PRMT8: variants seen among roughly 807,000 people sequenced by gnomAD.
The protein encoded by PRMT8 is protein arginine N-methyltransferase 8.
PRMT8 carries 7 observed loss-of-function variants against 47.1 expected under a neutral mutation model. The observed-to-expected ratio is 0.15, with a 90% CI of 0.08 to 0.28. The LOEUF is 0.28. Ranked by LOEUF, PRMT8 falls within the 10% of genes least tolerant of loss-of-function variation. PRMT8 has a pLI of 1.00. For missense variants in PRMT8, 237 were observed against 505.4 expected (o/e 0.47, Z 5.09); for synonymous variants, 188 against 186.5 (o/e 1.01, Z -0.07).
intron 1 of PRMT8, among the ~76,000 whole-genome samples, chr12:3,537,411 G>A (rs573441820): frequency 2.6e-5 from 4 of 152,224 alleles, no homozygotes; most frequent in South Asian, 2.1e-4. Flanking sequence ...AGCTCTCTAC[G>A]TATTAAGGGC....
rs931556949 is a variant in PRMT8 at position 3,448,909 on chromosome 12, C to T, written c.48+67467C>T. 3.9e-5 allele frequency among the ~76,000 whole-genome samples: 6 copies of T among 151,986 alleles called. No individual in the cohort carries two copies. The South Asian group carries it at 8.3e-4, about 21-fold the overall frequency. On this transcript the variant is annotated intron_variant, in intron 1 of 9. Coordinates refer to the PRMT8 transcript ENST00000452611. Reference sequence around the variant, plus strand: ...TCCTTCTCCTTGCACCCCCATAGGCCCCAGTGTGTGCTATTCCCCTCCCTG... The same window carrying T: ...TCCTTCTCCTTGCACCCCCATAGGCTCCAGTGTGTGCTATTCCCCTCCCTG...
chr12:3,382,830 A>G (rs1345676623), intron 1 of PRMT8, among the ~76,000 whole-genome samples: 4 of 152,192 alleles, frequency 2.6e-5, no homozygotes. Context: ...TGCCTTTTCT[A>G]AAAGTGTTAT....
In PRMT8 at chr12:3,569,434, G is replaced by C. The variant is rs1470563410; in HGVS notation, c.625-43G>C. ...GTTCAAAATGTGATGTCTTTGTCAG[G>C]TGAATAGATTACGAGACCCATTTCC... On this transcript the variant is annotated intron_variant, in intron 5 of 9. Coordinates refer to ENST00000382622, the MANE Select transcript of PRMT8 (RefSeq NM_019854.5). The surrounding 1 kb of genome is among the most constrained non-coding windows in gnomAD (Gnocchi z 8.2). The C allele has an allele frequency of 1.3e-6, 2 of 1,504,278 alleles. No homozygotes were observed. Among genetic ancestry groups the C allele is most frequent in the South Asian group, 2.3e-5 (2 of 88,796 alleles). The allele number at this position is 1,504,278 out of a possible 1,614,324, so 93.2% of individuals were successfully genotyped here.
At chr12:3,464,353 G>GA (rs985542032) in intron 1 of PRMT8, among the ~76,000 whole-genome samples, 4 of 149,648 alleles carry the variant, frequency 2.7e-5, no homozygotes, top group Non-Finnish European at 4.4e-5. Context: ...GTTTCCTTAA[G>GA]AAAAAAAACA....
At chr12:3,587,142 A>G (rs1233666124) in intron 8 of PRMT8, among the ~76,000 whole-genome samples, 5 of 150,596 alleles carry the variant, frequency 3.3e-5, no homozygotes, top group African/African-American at 1.2e-4. Context: ...TTATTGGACC[A>G]TTCATGGTTC....
chr12:3,408,745 G>A (rs934587555), intron 1 of PRMT8, among the ~76,000 whole-genome samples: 24 of 152,246 alleles, frequency 1.6e-4, no homozygotes, highest in Admixed American at 5.2e-4. Context: ...CACCTGCAGA[G>A]GGGTCTTCAG....
intron 1 of PRMT8, among the ~76,000 whole-genome samples, chr12:3,407,418 C>A (rs1379536906): frequency 1.3e-5 from 2 of 152,096 alleles, no homozygotes; most frequent in Non-Finnish European, 2.9e-5. Context: ...TTCTATCCTG[C>A]ATATCTCATC....
At chr12:3,506,221 A>G (rs558427632) in intron 1 of PRMT8, among the ~76,000 whole-genome samples, 2 of 152,310 alleles carry the variant, frequency 1.3e-5, no homozygotes, top group African/African-American at 4.8e-5. Context: ...ATTATCCCAT[A>G]GGGTTATCAT....
chr12:3,553,089 A>G (rs1277032462), intron 3 of PRMT8: 1 of 204,070 alleles, frequency 4.9e-6, no homozygotes, highest in Non-Finnish European at 1.0e-5. Context: ...GTCTGAATTA[A>G]AAGGAATAAT....
intron 1 of PRMT8, among the ~76,000 whole-genome samples, chr12:3,499,129 C>G (rs1477000678): frequency 6.6e-6 from 1 of 151,166 alleles, no homozygotes; most frequent in Non-Finnish European, 1.5e-5. Context: ...TTCATCTTAA[C>G]TTGATAACAT....
intron 1 of PRMT8, among the ~76,000 whole-genome samples, chr12:3,534,302 G>T (rs1299090992): frequency 6.6e-6 from 1 of 152,250 alleles, no homozygotes; most frequent in African/African-American, 2.4e-5. Flanking sequence ...AGCTTGGGCT[G>T]GTGCCAGCAG....
chr12:3,433,736 C>T (rs999310579), intron 1 of PRMT8, among the ~76,000 whole-genome samples: 41 of 152,144 alleles, frequency 2.7e-4, no homozygotes, highest in Admixed American at 1.3e-4. Context: ...CTCATTCTCC[C>T]GACTAGCTGG....
Position 3,476,627 on chromosome 12 carries a change from A to G in PRMT8, c.49-63979A>G, listed in dbSNP as rs12227552. Among the ~76,000 whole-genome samples, 455 of 152,256 alleles carry G rather than the reference A, an allele frequency of 3.0e-3. 13 individuals carry two copies. In the East Asian group the frequency reaches 0.066, roughly 22 times the overall value. ...CGCTCTGCAGAAAGGTCATGAGACA[A>G]GGTGGACTGGATGAGTCATTGCAAA... On this transcript the variant is annotated intron_variant, in intron 1 of 9. Transcript: ENST00000452611.
chr12:3,510,354 A>G (rs1443209450), intron 1 of PRMT8, among the ~76,000 whole-genome samples: 2 of 152,178 alleles, frequency 1.3e-5, no homozygotes, highest in Non-Finnish European at 2.9e-5. Flanking sequence ...GCACTGTAGG[A>G]TGACTGCAGT....
At chr12:3,467,462 G>A (rs1487528408) in intron 1 of PRMT8, among the ~76,000 whole-genome samples, 1 of 152,040 alleles carries the variant, frequency 6.6e-6, no homozygotes, top group Non-Finnish European at 1.5e-5. Flanking sequence ...TCCAGGCAGA[G>A]ACAACTTTAA....
chr12:3,592,184 C>T (rs530940874), intron 8 of PRMT8, 47 bp from the exon 9 acceptor site: 94 of 1,527,286 alleles, frequency 6.2e-5, no homozygotes, highest in Non-Finnish European at 5.2e-5. Context: ...TTGGAGACTT[C>T]GTCTCTGACT....
chr12:3,455,793 T>TCC (rs1565412195), intron 1 of PRMT8, among the ~76,000 whole-genome samples: 1 of 152,126 alleles, frequency 6.6e-6, no homozygotes, highest in Non-Finnish European at 1.5e-5. Flanking sequence ...AGGTGGACTT[T>TCC]ATTTCCATTT....
chr12:3,405,720 C>T (rs1265648757), intron 1 of PRMT8, among the ~76,000 whole-genome samples: 1 of 152,230 alleles, frequency 6.6e-6, no homozygotes, highest in Non-Finnish European at 1.5e-5. Context: ...CACCATGTCT[C>T]ACATCCAGGT....
At chr12:3,534,533 A>G (rs1467918608) in intron 1 of PRMT8, among the ~76,000 whole-genome samples, 3 of 152,082 alleles carry the variant, frequency 2.0e-5, no homozygotes, top group African/African-American at 7.2e-5. Flanking sequence ...CCCCTAGGTG[A>G]GCCTAAACAA....
Sources: gnomAD v4.1 joint callset for allele counts (sites outside exome capture counted in the v4.1 genomes callset) on GRCh38, gnomAD v4.1.1 for gene constraint, Gnocchi (gnomAD v3.1) non-coding constraint, MANE v1.5 for transcripts, NCBI Gene and HGNC (gene_info 2026-07-23, HGNC 2026-07-21) for gene names.